The following NTN1 variants were observed in gnomAD, a reference collection of about 807,000 sequenced individuals.
NTN1 encodes the protein netrin 1, also known as netrin-1.
A neutral mutation model predicts 54.2 loss-of-function variants in NTN1; 11 were observed. That is an observed-to-expected ratio of 0.20 (90% CI 0.13 to 0.34). NTN1 has a LOEUF of 0.34. Ranked by LOEUF, NTN1 falls within the 10% of genes least tolerant of loss-of-function variation. NTN1 has a pLI of 1.00. For synonymous variants in NTN1, 371 were observed against 382.0 expected (o/e 0.97, Z 0.33); for missense variants, 740 against 893.1 (o/e 0.83, Z 2.18).
At chr17:9,193,309 A>G (rs150168294) in intron 5 of NTN1, among the ~76,000 whole-genome samples, 1 of 152,158 alleles carries the variant, frequency 6.6e-6, no homozygotes, top group Non-Finnish European at 1.5e-5. Context: ...ATTTTGAAAA[A>G]TGTTGAGAAG....
intron 2 of NTN1, among the ~76,000 whole-genome samples, chr17:9,057,123 G>A (rs1017360680): frequency 9.2e-5 from 14 of 152,066 alleles, no homozygotes; most frequent in Middle Eastern, 3.4e-3. Flanking sequence ...GGGCTGGAGT[G>A]TACCCCCTTC....
chr17:9,072,520 A>G (rs76097464), intron 2 of NTN1, among the ~76,000 whole-genome samples: 5,535 of 152,250 alleles, frequency 0.036, 144 homozygotes, highest in Non-Finnish European at 0.054. Flanking sequence ...GAAGCCCTTC[A>G]GGAAAATTGA....
intron 2 of NTN1, among the ~76,000 whole-genome samples, chr17:9,046,972 T>A (rs1353943791): frequency 6.6e-6 from 1 of 152,196 alleles, no homozygotes; most frequent in Admixed American, 6.5e-5. Flanking sequence ...AATTTTTTGG[T>A]CTCCCAGTGC....
rs922353801 is a variant in NTN1, at chr17:9,212,801, G to A, written c.1412-8367G>A. Among the ~76,000 whole-genome samples the A allele has an allele frequency of 1.8e-4, 28 of 152,222 alleles. No homozygotes were observed. The highest frequency in any genetic ancestry group is 2.9e-4 in the Non-Finnish European group (20 of 68,038). ...AAGCAGAGCGGCAGAGGTGTTGCGA[G>A]CGAGTGGGCCAGGGCTGCTGAGAGC... On this transcript the variant is annotated intron_variant, in intron 5 of 6. Coordinates refer to ENST00000173229, the MANE Select transcript of NTN1 (RefSeq NM_004822.3). This position sits in a 1 kb window ranked among gnomAD's most constrained non-coding sequence, Gnocchi z 5.5.
rs1393543373 is a variant in NTN1 at position 9,230,680 on chromosome 17, G to GA, written c.1487-8960_1487-8959insA. ...GGGTCTCCAGGCCCAGGAGGCTCTG[G>GA]GGGGATGCGGCCCTTCCCAGCACAG... is the stretch of plus-strand genomic sequence containing the variant. On this transcript the variant is annotated intron_variant, in intron 6 of 6. Transcript: ENST00000173229. 2.6e-5 allele frequency among the ~76,000 whole-genome samples: 4 copies of GA among 152,040 alleles called. 1 individual carries two copies. The highest frequency in any genetic ancestry group is 2.6e-4 in the Admixed American group (4 of 15,274).
At chr17:9,017,664 G>A (rs1336497285), upstream of NTN1, among the ~76,000 whole-genome samples, 2 of 152,190 alleles carry the variant, frequency 1.3e-5, no homozygotes, top group Non-Finnish European at 1.5e-5. Flanking sequence ...GAAACACCTG[G>A]TGATTTGCTT....
chr17:9,006,815 C>T, the NTN1 span, among the ~76,000 whole-genome samples: 4 of 152,178 alleles, frequency 2.6e-5, no homozygotes, highest in African/African-American at 7.2e-5. Flanking sequence ...AAGTTTTGTG[C>T]TGGGTACTCA....
intron 2 of NTN1, among the ~76,000 whole-genome samples, chr17:9,121,062 CT>C (rs1369790680): frequency 6.6e-6 from 1 of 152,124 alleles, no homozygotes; most frequent in African/African-American, 2.4e-5. Context: ...AGGGCTTCCC[CT>C]GTCTCAATAC....
At chr17:9,224,744 C>T (rs1030534427) in intron 6 of NTN1, among the ~76,000 whole-genome samples, 1 of 152,128 alleles carries the variant, frequency 6.6e-6, no homozygotes, top group African/African-American at 2.4e-5. Context: ...AGGCGCGTCA[C>T]CCAGCTGTCC....
chr17:9,181,382 G>A (rs2092418679), intron 4 of NTN1, among the ~76,000 whole-genome samples: 1 of 152,170 alleles, frequency 6.6e-6, no homozygotes, highest in African/African-American at 2.4e-5. Flanking sequence ...AGGTTGGGTG[G>A]TCACAATGAC....
intron 2 of NTN1, among the ~76,000 whole-genome samples, chr17:9,044,594 G>A (rs2091935271): frequency 6.6e-6 from 1 of 152,104 alleles, no homozygotes; most frequent in Non-Finnish European, 1.5e-5. Flanking sequence ...TCATGTGTAT[G>A]TAAGATCACC....
chr17:9,126,538 A>G (rs980568518), intron 2 of NTN1, among the ~76,000 whole-genome samples: 1 of 152,124 alleles, frequency 6.6e-6, no homozygotes, highest in African/African-American at 2.4e-5. Flanking sequence ...AGAGAGAGAG[A>G]TAAAGGGTAT....
chr17:9,108,377 A>G (rs990225644), intron 2 of NTN1, among the ~76,000 whole-genome samples: 1 of 152,096 alleles, frequency 6.6e-6, no homozygotes, highest in Non-Finnish European at 1.5e-5. Flanking sequence ...CCCTCTCCCT[A>G]CTGCTTCACA....
rs942700659 is a variant in NTN1 at position 9,023,411 on chromosome 17, G to A, written c.1018+20G>A. On this transcript the variant is annotated intron_variant, in intron 2 of 6. Coordinates refer to ENST00000173229, the MANE Select transcript of NTN1 (RefSeq NM_004822.3). ...GCGTGGGTGAGTGGGGTGCGGCGGC[G>A]GAGCCGGCGGCGGGTGGGGCCGCGG... The A allele has an allele frequency of 2.3e-5, 31 of 1,349,772 alleles. 1 individual carries two copies. The highest frequency in any genetic ancestry group is 4.8e-4 in the Middle Eastern group (2 of 4,140). 83.6% of individuals were successfully genotyped at this position (1,349,772 alleles called of 1,614,324 possible).
intron 5 of NTN1, among the ~76,000 whole-genome samples, chr17:9,201,037 A>T (rs2142336458): frequency 6.6e-6 from 1 of 152,240 alleles, no homozygotes; most frequent in South Asian, 2.1e-4. Flanking sequence ...CAGATGGCAG[A>T]TAATAGAGGA....
chr17:9,017,054 C>A (rs371039429), upstream of NTN1, among the ~76,000 whole-genome samples: 28 of 152,274 alleles, frequency 1.8e-4, no homozygotes, highest in African/African-American at 6.7e-4. Context: ...CACTTGGAGA[C>A]CACCTGACCA....
chr17:9,044,551 T>TA (rs2091935082), intron 2 of NTN1, among the ~76,000 whole-genome samples: 1 of 152,158 alleles, frequency 6.6e-6, no homozygotes, highest in African/African-American at 2.4e-5. Flanking sequence ...GCATGTTTTT[T>TA]AGTTTGGTTT....
intron 6 of NTN1, among the ~76,000 whole-genome samples, chr17:9,229,883 A>G (rs181100296): frequency 2.0e-5 from 3 of 152,198 alleles, no homozygotes; most frequent in African/African-American, 7.2e-5. Context: ...GTAGCTCACT[A>G]TGGAGCTGAT....
chr17:9,140,504 G>A (rs1200290339), intron 2 of NTN1, among the ~76,000 whole-genome samples: 1 of 152,226 alleles, frequency 6.6e-6, no homozygotes, highest in Non-Finnish European at 1.5e-5. Flanking sequence ...ACAAGCACCA[G>A]AGCCAGATGT....
Sources: gnomAD v4.1 joint callset for allele counts (sites outside exome capture counted in the v4.1 genomes callset) on GRCh38, gnomAD v4.1.1 for gene constraint, Gnocchi (gnomAD v3.1) non-coding constraint, MANE v1.5 for transcripts, NCBI Gene and HGNC (gene_info 2026-07-23, HGNC 2026-07-21) for gene names.